Variants in BTG4 observed in about 807,000 individuals in gnomAD.
BTG4 encodes BTG anti-proliferation factor 4.
A neutral mutation model predicts 19.3 loss-of-function variants in BTG4; 10 were observed. The observed-to-expected ratio is 0.52, with a 90% CI of 0.32 to 0.88. BTG4 has a LOEUF of 0.88. Ranked by LOEUF, BTG4 falls within the 40% of genes least tolerant of loss-of-function variation. The probability of loss-of-function intolerance (pLI) is 0.04; values close to 1 mark genes in which losing one functional copy is unlikely to be tolerated. For synonymous variants in BTG4, 91 were observed against 95.7 expected (o/e 0.95, Z 0.29); for missense variants, 238 against 281.9 (o/e 0.84, Z 1.11).
chr11:111,480,734 G>A (rs2135571785), intron 5 of BTG4, among the ~76,000 whole-genome samples: 1 of 151,760 alleles, frequency 6.6e-6, no homozygotes, highest in East Asian at 1.9e-4. Flanking sequence ...GGAAATAAAA[G>A]ATACATTGAA....
chr11:111,427,883 G>A, the BTG4 span, among the ~76,000 whole-genome samples: 1 of 152,120 alleles, frequency 6.6e-6, no homozygotes, highest in East Asian at 1.9e-4. Context: ...AGTGACAGAG[G>A]CGTCACATCA....
chr11:111,409,754 G>A, the BTG4 span, among the ~76,000 whole-genome samples: 1 of 152,156 alleles, frequency 6.6e-6, no homozygotes, highest in African/African-American at 2.4e-5. Context: ...TCCTAATGAA[G>A]GGTTCAATTG....
chr11:111,502,383 G>T (rs996246539), intron 1 of BTG4, among the ~76,000 whole-genome samples: 1 of 152,140 alleles, frequency 6.6e-6, no homozygotes, highest in Non-Finnish European at 1.5e-5. Context: ...GATAGATACC[G>T]CCTTAGCTGT....
At chr11:111,491,608 T>A (rs750485516), downstream of BTG4, among the ~76,000 whole-genome samples, 2 of 151,448 alleles carry the variant, frequency 1.3e-5, no homozygotes, top group Non-Finnish European at 2.9e-5. Context: ...ATTAGCCAGG[T>A]GCCTGTAGTC....
the BTG4 span, among the ~76,000 whole-genome samples, chr11:111,435,436 G>A: frequency 1.3e-5 from 2 of 152,186 alleles, no homozygotes; most frequent in South Asian, 4.1e-4. Context: ...CTGGGGAGGA[G>A]GCAGCTCCCC....
At chr11:111,415,339 C>T in the BTG4 span, among the ~76,000 whole-genome samples, 1 of 152,200 alleles carries the variant, frequency 6.6e-6, no homozygotes, top group Non-Finnish European at 1.5e-5. Flanking sequence ...TGTAAACTGG[C>T]AGCTGATAAT....
chr11:111,413,805 G>T, the BTG4 span, among the ~76,000 whole-genome samples: 19 of 152,246 alleles, frequency 1.2e-4, no homozygotes. Flanking sequence ...GAAGGGGACA[G>T]ATGAGAGCAG....
chr11:111,495,244 C>G lies in BTG4; in HGVS notation c.581G>C (p.Arg194Pro), dbSNP rs201313198. 1 of 1,612,404 alleles carries G rather than the reference C, an allele frequency of 6.2e-7. No individual in the cohort carries two copies. The highest frequency in any genetic ancestry group is 8.5e-7 in the Non-Finnish European group (1 of 1,179,400). The change falls in exon 5 of 5, where the codon CGT becomes CCT. Residue 194 changes from arginine to proline, a missense_variant. Transcript: ENST00000692032. ...IPRKKNVVDG[R>P]VGLLGNTYHG... Reference sequence around the variant, plus strand: ...GTAAGTGTTTCCCAGGAGGCCAACACGGCCGTCCACCACATTCTTTTTGCG... The same window carrying G: ...GTAAGTGTTTCCCAGGAGGCCAACAGGGCCGTCCACCACATTCTTTTTGCG...
the BTG4 span, among the ~76,000 whole-genome samples, chr11:111,390,806 C>T: frequency 6.6e-6 from 1 of 152,178 alleles, no homozygotes; most frequent in Non-Finnish European, 1.5e-5. Context: ...GCAACTCAGA[C>T]CATTTATCTT....
At chr11:111,390,014 C>T in the BTG4 span, among the ~76,000 whole-genome samples, 4 of 152,152 alleles carry the variant, frequency 2.6e-5, no homozygotes, top group African/African-American at 7.2e-5. Context: ...CATAACAATG[C>T]TTTGAAGTAT....
At chr11:111,457,908 G>A in the BTG4 span, 2 of 152,530 alleles carry the variant, frequency 1.3e-5, no homozygotes, top group African/African-American at 4.8e-5. Flanking sequence ...CCTGGTGACA[G>A]CTTTGTGGAG....
downstream of BTG4, among the ~76,000 whole-genome samples, chr11:111,493,160 A>C (rs959059127): frequency 6.6e-6 from 1 of 152,140 alleles, no homozygotes; most frequent in African/African-American, 2.4e-5. Context: ...GAAACAAACA[A>C]ACAAACAAAC....
the BTG4 span, among the ~76,000 whole-genome samples, chr11:111,436,847 A>T: frequency 6.6e-6 from 1 of 151,930 alleles, no homozygotes; most frequent in Non-Finnish European, 1.5e-5. Flanking sequence ...TGTTTTGCTG[A>T]GAGTTTCCGT....
chr11:111,498,452 T>C, intron 2 of BTG4, 152 bp downstream of exon 2: 1 of 701,640 alleles, frequency 1.4e-6, no homozygotes, highest in South Asian at 1.9e-5. Context: ...CTACTATGTC[T>C]CCTCCTTTCA....
At chr11:111,463,411 C>T (rs1290679087), downstream of BTG4, 1 of 152,702 alleles carries the variant, frequency 6.5e-6, no homozygotes, top group African/African-American at 2.4e-5. Context: ...TACCTGCCCC[C>T]TGTTGATCCC....
the BTG4 span, among the ~76,000 whole-genome samples, chr11:111,428,075 T>C: frequency 6.6e-6 from 1 of 152,150 alleles, no homozygotes; most frequent in African/African-American, 2.4e-5. Flanking sequence ...AATGGCCGTA[T>C]TTTCCTCGCC....
chr11:111,403,885 C>A, the BTG4 span, among the ~76,000 whole-genome samples: 1 of 152,122 alleles, frequency 6.6e-6, no homozygotes, highest in African/African-American at 2.4e-5. Flanking sequence ...ACAAAAATAT[C>A]ATTTTAGAAA....
the BTG4 span, among the ~76,000 whole-genome samples, chr11:111,425,914 C>T: frequency 6.6e-6 from 1 of 152,142 alleles, no homozygotes; most frequent in Non-Finnish European, 1.5e-5. Flanking sequence ...ACCTGCAGTC[C>T]CAGCTACTCG....
chr11:111,428,605 T>C, the BTG4 span, among the ~76,000 whole-genome samples: 5 of 152,230 alleles, frequency 3.3e-5, no homozygotes, highest in Non-Finnish European at 5.9e-5. Context: ...AATTAAATTC[T>C]AGCCCAGGGG....
Sources: gnomAD v4.1 joint callset for allele counts (sites outside exome capture counted in the v4.1 genomes callset) on GRCh38, gnomAD v4.1.1 for gene constraint, MANE v1.5 for transcripts, NCBI Gene and HGNC (gene_info 2026-07-23, HGNC 2026-07-21) for gene names.